Variants in UNC80 observed in about 807,000 individuals in gnomAD.
The protein encoded by UNC80 is unc-80 subunit of NALCN channel complex.
UNC80 carries 164 observed loss-of-function variants against 384.6 expected under a neutral mutation model. The observed-to-expected ratio is 0.43, with a 90% CI of 0.38 to 0.49. The LOEUF (loss-of-function observed/expected upper bound fraction) is 0.49, where lower values mean the gene tolerates loss of function less well. Ranked by LOEUF, UNC80 falls within the 20% of genes least tolerant of loss-of-function variation. UNC80 has a pLI of 0.00. For synonymous variants in UNC80, 1,486 were observed against 1,527.8 expected (o/e 0.97, Z 0.64); for missense variants, 3,330 against 4,143.0 (o/e 0.80, Z 5.39).
chr2:209,904,423 C>G (rs963477373), intron 28 of UNC80, among the ~76,000 whole-genome samples: 1 of 152,180 alleles, frequency 6.6e-6, no homozygotes, highest in Non-Finnish European at 1.5e-5. Context: ...GGTTCCTTCC[C>G]CAATATAAGA....
intron 28 of UNC80, among the ~76,000 whole-genome samples, chr2:209,898,771 C>T (rs1225841541): frequency 6.6e-6 from 1 of 152,122 alleles, no homozygotes; most frequent in Non-Finnish European, 1.5e-5. Context: ...CCCCTACTAC[C>T]CTTGCCAGCC....
At chr2:209,833,032 T>A (rs1027472212) in intron 16 of UNC80, among the ~76,000 whole-genome samples, 8 of 152,208 alleles carry the variant, frequency 5.3e-5, no homozygotes, top group Non-Finnish European at 8.8e-5. Context: ...GAATCTTTCC[T>A]TTTTGGAGTC....
At chr2:209,992,371 A>G in intron 62 of UNC80, 124 bp downstream of exon 62, 1 of 872,966 alleles carries the variant, frequency 1.1e-6, no homozygotes. Context: ...GCTACTGGGG[A>G]GGCTGATGTG....
intron 22 of UNC80, among the ~76,000 whole-genome samples, chr2:209,854,794 C>A (rs184340447): frequency 6.6e-6 from 1 of 152,226 alleles, no homozygotes; most frequent in African/African-American, 2.4e-5. Context: ...ACTCAAGAAA[C>A]AACAGATGCT....
chr2:209,866,531 C>CACACACACAT (rs1553557011), intron 22 of UNC80, among the ~76,000 whole-genome samples: 1 of 122,088 alleles, frequency 8.2e-6, no homozygotes, highest in African/African-American at 3.8e-5. Flanking sequence ...CACACACACA[C>CACACACACAT]ACAGAGAGAG....
At chr2:209,875,924 A>T (rs897526308) in intron 23 of UNC80, among the ~76,000 whole-genome samples, 2 of 152,096 alleles carry the variant, frequency 1.3e-5, no homozygotes, top group Non-Finnish European at 2.9e-5. Context: ...GACCACATAG[A>T]TGAATTAATT....
chr2:209,977,389 G>T (rs1435911264), intron 58 of UNC80, among the ~76,000 whole-genome samples: 1 of 152,104 alleles, frequency 6.6e-6, no homozygotes, highest in African/African-American at 2.4e-5. Flanking sequence ...AAGAAAAATG[G>T]TTTAAATCAT....
chr2:209,943,611 C>T, intron 45 of UNC80, 97 bp downstream of exon 45: 1 of 1,410,496 alleles, frequency 7.1e-7, no homozygotes, highest in South Asian at 1.3e-5. Flanking sequence ...AGTTGGCTAC[C>T]ATCACTTGTG....
At chr2:209,908,273 G>T (rs536793631) in intron 29 of UNC80, among the ~76,000 whole-genome samples, 38 of 152,250 alleles carry the variant, frequency 2.5e-4, no homozygotes, top group Middle Eastern at 6.8e-3. Context: ...TTTTTAATTG[G>T]TTTTTTATGG....
chr2:209,826,006 C>T lies in UNC80; in HGVS notation c.2431C>T (p.Arg811Ter). 4 of 1,550,532 alleles carry T rather than the reference C, an allele frequency of 2.6e-6. No individual in the cohort carries two copies. Among genetic ancestry groups the T allele is most frequent in the South Asian group, 2.4e-5 (2 of 83,918 alleles). The change falls in exon 14 of 65, where the codon CGA becomes TGA. Residue 811 changes from arginine to a stop codon, truncating the protein, a stop_gained. Coordinates refer to ENST00000673920, the MANE Select transcript of UNC80 (RefSeq NM_001371986.1). LOFTEE classifies it high-confidence loss of function. The stretch of plus-strand genomic sequence containing the variant: ...TGCCTATGGTTGTGGTGAAGGACAC[C>T]GAGGGCTCTCTGGAGATCGTCTGAG... Reference protein sequence around the residue: ...GCAYGCGEGHRGLSGDRLRHQ... With the variant: ...GCAYGCGEGH
At chr2:209,794,475 T>A (rs540811160) in intron 7 of UNC80, among the ~76,000 whole-genome samples, 1 of 152,306 alleles carries the variant, frequency 6.6e-6, no homozygotes, top group Admixed American at 6.5e-5. Context: ...AATTATAGCC[T>A]AGTAATACAT....
Position 209,935,785 on chromosome 2 carries a change from A to G in UNC80, c.6250A>G (p.Thr2084Ala). 6.5e-7 allele frequency: 1 copy of G among 1,541,324 alleles called. No homozygotes were observed. The highest frequency in any genetic ancestry group is 8.7e-7 in the Non-Finnish European group (1 of 1,143,100). The stretch of plus-strand genomic sequence containing the variant: ...AACCCAGTTACCAGTCCATGAAGAC[A>G]CTCAATTTGAAGCCCTGTTGAAGGT... ...IPTQLPVHED[T>A]QFEALLKECL... Residue 2084 changes from threonine to alanine, a missense_variant, in exon 40 of 65, where the codon ACT becomes GCT. By Grantham distance (58) the Thr-to-Ala change is moderately conservative. Transcript: ENST00000673920.
In UNC80 at chr2:209,930,950, A is replaced by C. The variant is rs1338033185; in HGVS notation, c.5908-18A>C. The stretch of plus-strand genomic sequence containing the variant: ...ATGGCAGCTGAAGGAAACATTAAAA[A>C]TTCTGTTCTTCTTTCAGGATGAGTT... On this transcript the variant is annotated intron_variant, in intron 37 of 64. Transcript: ENST00000673920. The C allele has an allele frequency of 6.6e-7, 1 of 1,519,316 alleles. No homozygotes were observed. The highest frequency in any genetic ancestry group is 2.0e-5 in the Admixed American group (1 of 48,836). The allele number at this position is 1,519,316 out of a possible 1,614,324, so 94.1% of individuals were successfully genotyped here.
intron 19 of UNC80, among the ~76,000 whole-genome samples, chr2:209,840,169 G>T (rs10178425): frequency 0.15 from 23,211 of 152,122 alleles, 2,125 homozygotes; most frequent in Middle Eastern, 0.28. Context: ...CAGAAGGAAA[G>T]TTAGCTAGTA....
At chr2:209,801,508 G>A (rs548567852) in intron 7 of UNC80, among the ~76,000 whole-genome samples, 1 of 147,878 alleles carries the variant, frequency 6.8e-6, no homozygotes, top group East Asian at 2.1e-4. Flanking sequence ...TCAGCCTCCC[G>A]AGTAGCTGGG....
At chr2:209,917,719 C>A in intron 31 of UNC80, 58 bp from the exon 32 acceptor site, 1 of 1,532,710 alleles carries the variant, frequency 6.5e-7, no homozygotes, top group Non-Finnish European at 8.8e-7. Flanking sequence ...TTCTCCCCAA[C>A]CCCAGGAACT....
chr2:209,987,272 A>T (rs2093308158), intron 61 of UNC80, among the ~76,000 whole-genome samples: 1 of 152,124 alleles, frequency 6.6e-6, no homozygotes, highest in South Asian at 2.1e-4. Context: ...AATCAATAAA[A>T]ATTTGCCATA....
At chr2:209,897,221 A>G (rs1341131921) in intron 28 of UNC80, among the ~76,000 whole-genome samples, 1 of 152,174 alleles carries the variant, frequency 6.6e-6, no homozygotes, top group Non-Finnish European at 1.5e-5. Context: ...AAAGCATACT[A>G]AACCTATGTA....
Position 209,839,239 on chromosome 2 carries a change from G to C in UNC80, c.3059G>C (p.Gly1020Ala), listed in dbSNP as rs2153829193. The C allele has an allele frequency of 6.4e-7, 1 of 1,551,494 alleles. No individual in the cohort carries two copies. The change falls in exon 19 of 65, where the codon GGA becomes GCA. Residue 1020 changes from glycine to alanine, a missense_variant. Around this residue, in one of 8 missense-constraint regions of UNC80, gnomAD observed 801 missense variants for 950.8 expected, o/e 0.84. Coordinates refer to ENST00000673920, the MANE Select transcript of UNC80 (RefSeq NM_001371986.1). The surrounding 1 kb of genome is among the most constrained non-coding windows in gnomAD (Gnocchi z 4.1). ...QTPEHDEQMQ[G>A]ANLGRKDFWR... The stretch of plus-strand genomic sequence containing the variant: ...GCCTACAGCGATGAACAAATGCAAG[G>C]AGCCAACTTGGGGCGGAAAGATTTC...
Sources: gnomAD v4.1 joint callset for allele counts (sites outside exome capture counted in the v4.1 genomes callset) on GRCh38, gnomAD v4.1.1 for gene constraint, gnomAD v4.1.1 regional missense constraint, Gnocchi (gnomAD v3.1) non-coding constraint, MANE v1.5 for transcripts, NCBI Gene and HGNC (gene_info 2026-07-23, HGNC 2026-07-21) for gene names.